Variants in EIF3A observed in about 807,000 individuals in gnomAD.
The protein encoded by EIF3A is EIF3, p180 subunit.
Under a neutral mutation model 186.6 loss-of-function variants are expected in EIF3A, and 21 were observed. That is an observed-to-expected ratio of 0.11 (90% CI 0.08 to 0.16). EIF3A has a LOEUF of 0.16. EIF3A is among the 10% of genes least tolerant of loss of function. The pLI, the probability that EIF3A is intolerant of heterozygous loss-of-function variation, is 1.00. For synonymous variants in EIF3A, 563 were observed against 584.3 expected, an observed-to-expected ratio of 0.96 and a Z score of 0.52; for missense variants, 1,306 against 1,796.3, an observed-to-expected ratio of 0.73 and a Z score of 4.93.
Position 119,034,907 on chromosome 10 carries a change from T to C in EIF3A, c.*1132A>G, listed in dbSNP as rs1378184870. ...AGCCACATATGCTTTCTTTGTTATA[T>C]TTAGGTTCATTTTCATTGATACTAA... is the stretch of plus-strand genomic sequence containing the variant. On this transcript the variant is annotated 3_prime_UTR_variant, in exon 22 of 22. Coordinates refer to ENST00000369144, the MANE Select transcript of EIF3A (RefSeq NM_003750.4). 2.0e-5 allele frequency: 3 copies of C among 152,476 alleles called. No homozygotes were observed. The highest frequency in any genetic ancestry group is 4.4e-5 in the Non-Finnish European group (3 of 68,036). 9.4% of individuals were successfully genotyped at this position (152,476 alleles called of 1,614,324 possible).
chr10:119,071,332 C>T (rs1346758588), intron 4 of EIF3A, among the ~76,000 whole-genome samples: 1 of 152,010 alleles, frequency 6.6e-6, no homozygotes, highest in Non-Finnish European at 1.5e-5. Context: ...GCAGAGTTTA[C>T]AAATGGGAAA....
chr10:119,080,589 G>C, intron 1 of EIF3A, 39 bp downstream of exon 1: 1 of 1,559,216 alleles, frequency 6.4e-7, no homozygotes, highest in South Asian at 1.2e-5. Flanking sequence ...CGGAGGCCTC[G>C]GGCCGCCCCA....
chr10:119,062,928 GTA>G (rs1233433953), intron 7 of EIF3A, among the ~76,000 whole-genome samples: 1 of 142,906 alleles, frequency 7.0e-6, no homozygotes, highest in Non-Finnish European at 1.5e-5. Flanking sequence ...TTTTTTTTTT[GTA>G]TTTTTAGTAG....
At position 119,067,311 on chromosome 10, in the gene EIF3A, A is replaced by C. The variant is rs186622907; in HGVS notation, c.951-1741T>G. On this transcript the variant is annotated intron_variant, in intron 6 of 21. Coordinates refer to ENST00000369144, the MANE Select transcript of EIF3A (RefSeq NM_003750.4). ...TTCTAAGAAAATATGCTAGTGGCCA[A>C]GCACAGTGGCTCATGCCTATAAATC... Among the ~76,000 whole-genome samples the C allele has an allele frequency of 7.8e-4, 119 of 151,848 alleles. 1 individual carries two copies. Among genetic ancestry groups the C allele is most frequent in the South Asian group, 1.2e-3 (6 of 4,802 alleles).
At chr10:119,071,942 G>A (rs182603699) in intron 4 of EIF3A, among the ~76,000 whole-genome samples, 136 of 138,338 alleles carry the variant, frequency 9.8e-4, no homozygotes, top group African/African-American at 2.8e-3. Flanking sequence ...GAAGAATGGC[G>A]TGAACCTGGG....
At chr10:119,049,508 A>AG (rs1554869978) in intron 17 of EIF3A, among the ~76,000 whole-genome samples, 1 of 150,498 alleles carries the variant, frequency 6.6e-6, no homozygotes, top group African/African-American at 2.4e-5. Context: ...AAAAAAAAAA[A>AG]AGAGAAAGAG....
intron 19 of EIF3A, among the ~76,000 whole-genome samples, chr10:119,039,200 C>T (rs1848175943): frequency 6.6e-6 from 1 of 152,186 alleles, no homozygotes; most frequent in South Asian, 2.1e-4. Flanking sequence ...CTGTCCTCCA[C>T]CATTTGCCAC....
chr10:119,060,207 A>C, intron 9 of EIF3A: 1 of 492,102 alleles, frequency 2.0e-6, no homozygotes, highest in Non-Finnish European at 3.9e-6. Context: ...ACAAAATGGG[A>C]GCACTTACTG....
chr10:119,077,880 G>A (rs954355272), intron 1 of EIF3A, among the ~76,000 whole-genome samples: 1 of 152,032 alleles, frequency 6.6e-6, no homozygotes. Flanking sequence ...TAGTGGCCGG[G>A]GGAAGCTTTT....
At chr10:119,076,937 CAAAAA>C (rs71016536) in intron 1 of EIF3A, among the ~76,000 whole-genome samples, 8 of 123,482 alleles carry the variant, frequency 6.5e-5, no homozygotes, top group Middle Eastern at 3.8e-3. Flanking sequence ...GACTCTGTCT[CAAAAA>C]AAAAAAAAAA....
Position 119,069,548 on chromosome 10 carries a change from A to T in EIF3A, c.848T>A (p.Phe283Tyr). The T allele has an allele frequency of 6.3e-7, 1 of 1,595,262 alleles. No individual in the cohort carries two copies. The highest frequency in any genetic ancestry group is 2.2e-5 in the East Asian group (1 of 44,776). The part of the protein sequence containing the change: ...ANYYNKVSTV[F>Y]WKSGNALFHA... ...AAAAAGAGCATTTCCAGATTTCCAA[A>T]ACACAGTTGAGACTTTGTTATAGTA... is the stretch of plus-strand genomic sequence containing the variant. Residue 283 changes from phenylalanine to tyrosine, a missense_variant, in exon 6 of 22, where the codon TTT becomes TAT. This residue lies in a region of EIF3A where 267 missense variants were observed against 367.8 expected (regional missense o/e 0.73). Coordinates refer to ENST00000369144, the MANE Select transcript of EIF3A (RefSeq NM_003750.4).
rs1344055760 is a variant in EIF3A, at chr10:119,051,302, T to C, written c.2216A>G (p.Glu739Gly). Residue 739 changes from glutamate (E) to glycine (G), a missense_variant, in exon 15 of 22, where the codon GAA (glutamate) becomes GGA (glycine). Physicochemically the swap from Glu to Gly is moderately conservative, Grantham distance 98 (BLOSUM62 -2). Around this residue, in one of 8 missense-constraint regions of EIF3A, gnomAD observed 410 missense variants for 473.5 expected, o/e 0.87. Transcript: ENST00000369144. ...CTTATGTTCAAGAGCCTTTTCACGTTCTAGCTGCATTGTAGTAATCTGCAA... is the reference window on the plus strand; with the variant it reads ...CTTATGTTCAAGAGCCTTTTCACGTCCTAGCTGCATTGTAGTAATCTGCAA... ...EEERITTMQLEREKALEHKNR... is the reference protein window; with the variant it reads ...EEERITTMQLGREKALEHKNR... 3 of 1,601,170 alleles carry C rather than the reference T, an allele frequency of 1.9e-6. No individual in the cohort carries two copies. The highest frequency in any genetic ancestry group is 1.8e-5 in the Admixed American group (1 of 56,560).
chr10:119,059,491 C>G (rs1843846967), intron 10 of EIF3A, 94 bp from the exon 11 acceptor site: 2 of 1,280,830 alleles, frequency 1.6e-6, no homozygotes, highest in African/African-American at 3.0e-5. Context: ...TGGAAAAGTT[C>G]ACTCAGTAAA....
chr10:119,073,833 A>T lies in EIF3A; in HGVS notation c.154T>A (p.Leu52Met). Reference sequence around the variant, plus strand: ...TCCACGCAAAGTTCCAAGTATTTCAACATAATTGGTTCGTGTATCTTTTGC... The same window carrying T: ...TCCACGCAAAGTTCCAAGTATTTCATCATAATTGGTTCGTGTATCTTTTGC... ...TWQKIHEPIM[L>M]KYLELCVDLR... Residue 52 changes from leucine to methionine, a missense_variant, in exon 2 of 22, where the codon TTG becomes ATG. Coordinates refer to ENST00000369144, the MANE Select transcript of EIF3A (RefSeq NM_003750.4). 1 of 1,614,112 alleles carries T rather than the reference A, an allele frequency of 6.2e-7. No homozygotes were observed. Among genetic ancestry groups the T allele is most frequent in the Non-Finnish European group, 8.5e-7 (1 of 1,179,994 alleles).
chr10:119,043,642 A>G (rs947307191), intron 18 of EIF3A, among the ~76,000 whole-genome samples: 1 of 151,916 alleles, frequency 6.6e-6, no homozygotes, highest in Non-Finnish European at 1.5e-5. Context: ...AACACAGGCC[A>G]AGTGCAGTGG....
Position 119,080,771 on chromosome 10 carries a change from C to A in EIF3A, c.-95G>T. On this transcript the variant is annotated 5_prime_UTR_variant, in exon 1 of 22. Coordinates refer to ENST00000369144, the MANE Select transcript of EIF3A (RefSeq NM_003750.4). The stretch of plus-strand genomic sequence containing the variant: ...AGGGGAACCAGCGTAAGGTCCCACG[C>A]GCCTCGCCAGCAGTCGCCCGCGCCC... The A allele has an allele frequency of 6.8e-7, 1 of 1,479,816 alleles. No individual in the cohort carries two copies. Among genetic ancestry groups the A allele is most frequent in the Non-Finnish European group, 9.0e-7 (1 of 1,112,214 alleles). 91.7% of individuals were successfully genotyped at this position (1,479,816 alleles called of 1,614,324 possible).
rs770658122 is a variant in EIF3A at position 119,073,452 on chromosome 10, T to C, written c.366A>G (p.Gln122=). The change falls in exon 3 of 22, where the codon CAA becomes CAG. Residue 122 remains glutamine, a synonymous_variant. Coordinates refer to ENST00000369144, the MANE Select transcript of EIF3A (RefSeq NM_003750.4). ...VLDIEDLDNI[Q]TPESVLLSAV... ...TCTAACCCACATACCTCTCAGGAGT[T>C]TGAATATTATCTAGATCCTCTATAT... is the stretch of plus-strand genomic sequence containing the variant. 41 of 1,606,278 alleles carry C rather than the reference T, an allele frequency of 2.6e-5. No individual in the cohort carries two copies. The highest frequency in any genetic ancestry group is 2.2e-5 in the East Asian group (1 of 44,810).
chr10:119,065,424 G>C lies in EIF3A; in HGVS notation c.1097C>G (p.Thr366Arg), dbSNP rs745485737. The C allele has an allele frequency of 5.0e-6, 8 of 1,612,978 alleles. No individual in the cohort carries two copies. The highest frequency in any genetic ancestry group is 6.8e-6 in the Non-Finnish European group (8 of 1,179,470). The part of the protein sequence containing the change: ...ATLLGLQAPP[T>R]RIGLINDMVR... ...CATATCATTAATAAGGCCAATTCGT[G>C]TCGGTGGGGCTTGAAGACCTAGTAG... The change falls in exon 7 of 22, where the codon ACA becomes AGA. Residue 366 changes from threonine (T) to arginine (R), a missense_variant. Transcript: ENST00000369144.
intron 6 of EIF3A, among the ~76,000 whole-genome samples, chr10:119,066,619 G>C (rs1843985899): frequency 6.6e-6 from 1 of 151,346 alleles, no homozygotes; most frequent in Non-Finnish European, 1.5e-5. Flanking sequence ...TGAGGGAGAG[G>C]GGGAGACAAG....
Sources: gnomAD v4.1 joint callset for allele counts (sites outside exome capture counted in the v4.1 genomes callset) on GRCh38, gnomAD v4.1.1 for gene constraint, gnomAD v4.1.1 regional missense constraint, MANE v1.5 for transcripts, NCBI Gene and HGNC (gene_info 2026-07-23, HGNC 2026-07-21) for gene names.